Variants in CAPN13 observed in about 807,000 individuals in gnomAD.
CAPN13 encodes the protein calpain 13.
In CAPN13, 90 loss-of-function variants were observed where a neutral mutation model predicts 98.4. The ratio of observed to expected loss-of-function variants is 0.92; its 90% CI spans 0.77 to 1.09. The LOEUF (loss-of-function observed/expected upper bound fraction) is 1.09, where lower values mean the gene tolerates loss of function less well. Among genes scored for constraint, CAPN13 ranks in the 50% least tolerant of loss-of-function variants. CAPN13 has a pLI of 0.00. For missense variants in CAPN13, 887 were observed against 841.3 expected (o/e 1.05, Z -0.67); for synonymous variants, 330 against 305.5 (o/e 1.08, Z -0.84).
chr2:30,752,590 A>G (rs2926303), intron 10 of CAPN13, among the ~76,000 whole-genome samples: 134,047 of 152,242 alleles, frequency 0.88, 59,170 homozygotes, highest in African/African-American at 0.92. Flanking sequence ...AGGACAGACA[A>G]GTATGACTAT....
chr2:30,726,558 A>G (rs1411869816), intron 22 of CAPN13, among the ~76,000 whole-genome samples: 1 of 152,220 alleles, frequency 6.6e-6, no homozygotes, highest in Non-Finnish European at 1.5e-5. Flanking sequence ...CAATATAAAA[A>G]TAATTTTTAT....
At chr2:30,756,963 G>A (rs1252250072) in intron 8 of CAPN13, among the ~76,000 whole-genome samples, 1 of 152,162 alleles carries the variant, frequency 6.6e-6, no homozygotes, top group African/African-American at 2.4e-5. Context: ...AGGTCATGGG[G>A]GATCGGAGCG....
At chr2:30,805,924 T>C (rs1675596340) in intron 1 of CAPN13, among the ~76,000 whole-genome samples, 2 of 151,844 alleles carry the variant, frequency 1.3e-5, no homozygotes, top group Non-Finnish European at 2.9e-5. Flanking sequence ...ATGTAGCTAA[T>C]ATTTTTTCCC....
intron 2 of CAPN13, among the ~76,000 whole-genome samples, chr2:30,786,071 C>T (rs1674261614): frequency 6.6e-6 from 1 of 152,218 alleles, no homozygotes; most frequent in South Asian, 2.1e-4. Context: ...CTTCAGTTCT[C>T]CTTCCCATGT....
At position 30,751,181 on chromosome 2, in the gene CAPN13, CACG is replaced by C. The variant is rs1558307522; in HGVS notation, c.1155_1157del (p.Val386del). On this transcript the variant is annotated inframe_deletion, in exon 11 of 23. Transcript: ENST00000295055. ...ATGGTGTGACAGCAACTGTGACGCA[CACG>C]ACAACATTGGTGCCTTCCATTGGCT... 6.2e-7 allele frequency: 1 copy of C among 1,613,984 alleles called. No homozygotes were observed. Among genetic ancestry groups the C allele is most frequent in the Non-Finnish European group, 8.5e-7 (1 of 1,179,858 alleles).
At chr2:30,724,835 T>C (rs1572769759) in intron 22 of CAPN13, among the ~76,000 whole-genome samples, 1 of 151,140 alleles carries the variant, frequency 6.6e-6, no homozygotes, top group East Asian at 1.9e-4. Flanking sequence ...TCGAAAAGAA[T>C]TTCTTTTGAT....
chr2:30,763,680 C>A (rs1009143942), intron 6 of CAPN13, among the ~76,000 whole-genome samples: 3 of 152,220 alleles, frequency 2.0e-5, no homozygotes, highest in African/African-American at 7.2e-5. Flanking sequence ...CAAAATGGGT[C>A]ATGCTGCCCT....
chr2:30,736,719 C>T lies in CAPN13; in HGVS notation c.1654-148G>A, dbSNP rs1047204036. The T allele has an allele frequency of 3.2e-5, 22 of 686,562 alleles. 1 individual carries two copies. The highest frequency in any genetic ancestry group is 1.2e-4 in the Admixed American group (5 of 40,624). 42.5% of individuals were successfully genotyped at this position (686,562 alleles called of 1,614,324 possible). ...ATGTGGCCCCATGCCAGCTGGCTCC[C>T]GCTGTGTCTGAAAGGGACCTGGCTT... On this transcript the variant is annotated intron_variant, in intron 17 of 22. Transcript: ENST00000295055.
chr2:30,738,580 GC>G (rs1438301918), intron 15 of CAPN13, 123 bp from the exon 16 acceptor site: 1 of 1,037,240 alleles, frequency 9.6e-7, no homozygotes, highest in African/African-American at 1.6e-5. Flanking sequence ...TACCCATCTT[GC>G]CCTCGTCATG....
At chr2:30,800,145 A>AAAGAAAGAAAGAAAGAAAGAAAGAAAGT (rs1675159995) in intron 1 of CAPN13, among the ~76,000 whole-genome samples, 3 of 148,628 alleles carry the variant, frequency 2.0e-5, no homozygotes, top group African/African-American at 7.6e-5. Context: ...AGAAAGAAAG[A>AAAGAAAGAAAGAAAGAAAGAAAGAAAGT]AAGAAAGAAA....
At chr2:30,753,719 T>C (rs556440123) in intron 9 of CAPN13, among the ~76,000 whole-genome samples, 1 of 152,310 alleles carries the variant, frequency 6.6e-6, no homozygotes, top group Non-Finnish European at 1.5e-5. Flanking sequence ...CATGCTCCTT[T>C]CCACACATGC....
chr2:30,759,700 G>A (rs1485901459), intron 7 of CAPN13, among the ~76,000 whole-genome samples: 1 of 152,236 alleles, frequency 6.6e-6, no homozygotes, highest in African/African-American at 2.4e-5. Context: ...ATACCGCTGA[G>A]ACAGCGGCGG....
chr2:30,734,443 T>C lies in CAPN13; in HGVS notation c.1798+6A>G, dbSNP rs1382932757. Reference sequence around the variant, plus strand: ...GGGCACCACAGCTCCAAAGTCCCCATTGTACCTGTATTCTCTATGGCCTTC... The same window carrying C: ...GGGCACCACAGCTCCAAAGTCCCCACTGTACCTGTATTCTCTATGGCCTTC... On this transcript the variant is annotated splice_donor_region_variant and intron_variant, in intron 19 of 22. Coordinates refer to ENST00000295055, the MANE Select transcript of CAPN13 (RefSeq NM_144575.3). 2 of 1,612,530 alleles carry C rather than the reference T, an allele frequency of 1.2e-6. No homozygotes were observed. The highest frequency in any genetic ancestry group is 1.7e-6 in the Non-Finnish European group (2 of 1,178,782).
At chr2:30,744,586 C>T (rs1209889078) in intron 12 of CAPN13, among the ~76,000 whole-genome samples, 1 of 152,108 alleles carries the variant, frequency 6.6e-6, no homozygotes, top group African/African-American at 2.4e-5. Flanking sequence ...CAGCATGCCT[C>T]CTATAATTAG....
intron 22 of CAPN13, among the ~76,000 whole-genome samples, chr2:30,726,369 A>G (rs1265727994): frequency 6.6e-6 from 1 of 152,230 alleles, no homozygotes; most frequent in Non-Finnish European, 1.5e-5. Context: ...TCGGCATTGT[A>G]TTAGAGGTTC....
intron 1 of CAPN13, among the ~76,000 whole-genome samples, chr2:30,793,148 T>C (rs2148089362): frequency 6.6e-6 from 1 of 151,968 alleles, no homozygotes; most frequent in Non-Finnish European, 1.5e-5. Context: ...GTGAAGGTCC[T>C]AGCCAATGCA....
At chr2:30,802,403 T>A (rs75633662) in intron 1 of CAPN13, among the ~76,000 whole-genome samples, 3,766 of 152,214 alleles carry the variant, frequency 0.025, 160 homozygotes, top group African/African-American at 0.085. Flanking sequence ...AAGAGCTTTC[T>A]ATATTAAATA....
chr2:30,788,644 G>A (rs993507546), intron 1 of CAPN13, among the ~76,000 whole-genome samples: 1 of 152,192 alleles, frequency 6.6e-6, no homozygotes, highest in African/African-American at 2.4e-5. Context: ...GATAATGAAT[G>A]AGCAAGGACT....
At chr2:30,800,423 A>G (rs996849797) in intron 1 of CAPN13, among the ~76,000 whole-genome samples, 1 of 152,190 alleles carries the variant, frequency 6.6e-6, no homozygotes, top group Admixed American at 6.5e-5. Context: ...TTCCTGAATC[A>G]TAGCTCAGAG....
Sources: gnomAD v4.1 joint callset for allele counts (sites outside exome capture counted in the v4.1 genomes callset) on GRCh38, gnomAD v4.1.1 for gene constraint, MANE v1.5 for transcripts, NCBI Gene and HGNC (gene_info 2026-07-23, HGNC 2026-07-21) for gene names.